CHD9: variants seen among roughly 807,000 people sequenced by gnomAD.
CHD9 encodes the protein ATP-dependent chromatin remodeler CHD9.
Under a neutral mutation model 316.1 loss-of-function variants are expected in CHD9, and 77 were observed. The ratio of observed to expected loss-of-function variants is 0.24; its 90% CI spans 0.20 to 0.29. The LOEUF (loss-of-function observed/expected upper bound fraction) is 0.29. Ranked by LOEUF, CHD9 falls within the 10% of genes least tolerant of loss-of-function variation. The pLI, the probability that CHD9 is intolerant of heterozygous loss-of-function variation, is 1.00. For synonymous variants in CHD9, 1,129 were observed against 1,158.3 expected (o/e 0.97, Z 0.51); for missense variants, 2,763 against 3,438.1 (o/e 0.80, Z 4.91).
chr16:53,298,794 C>T (rs1013210681), intron 30 of CHD9: 2 of 155,372 alleles, frequency 1.3e-5, no homozygotes, highest in African/African-American at 4.8e-5. Context: ...GTTAAAGACC[C>T]CATAGCTCAT....
At position 53,286,245 on chromosome 16, in the gene CHD9, T is replaced by C. The variant is rs377399668; in HGVS notation, c.5091T>C (p.Thr1697=). 1.3e-5 allele frequency: 21 copies of C among 1,609,086 alleles called. No individual in the cohort carries two copies. Among genetic ancestry groups the C allele is most frequent in the Non-Finnish European group, 1.8e-5 (21 of 1,175,594 alleles). The change falls in exon 26 of 39, where the codon ACT becomes ACC. Residue 1697 remains threonine (T), a synonymous_variant. Coordinates refer to ENST00000447540, the MANE Select transcript of CHD9 (RefSeq NM_001308319.2). ...VFKHGYEKYN[T]IRADPALCFL... is the part of the protein sequence containing the mutation. ...TTTCAGGATATGAAAAATATAACAC[T>C]ATTCGAGCAGACCCAGCATTATGCT...
At chr16:53,299,579 C>A (rs532453824) in intron 30 of CHD9, 6 of 401,634 alleles carry the variant, frequency 1.5e-5, no homozygotes, top group Non-Finnish European at 2.9e-5. Flanking sequence ...TATTAACCCT[C>A]CAAAAGCTGG....
chr16:53,132,793 C>CCTT (rs2039421295), intron 1 of CHD9, among the ~76,000 whole-genome samples: 1 of 68,478 alleles, frequency 1.5e-5, no homozygotes, highest in African/African-American at 5.2e-5. Flanking sequence ...TCTAATTCTG[C>CCTT]TTTTTTTTTT....
At chr16:53,077,721 C>T (rs1441553515) in intron 1 of CHD9, among the ~76,000 whole-genome samples, 3 of 152,184 alleles carry the variant, frequency 2.0e-5, no homozygotes, top group African/African-American at 7.2e-5. Context: ...TTCAGTACCT[C>T]ACACACTTAT....
chr16:53,223,771 A>C (rs1472477364), intron 4 of CHD9, among the ~76,000 whole-genome samples: 2 of 152,174 alleles, frequency 1.3e-5, no homozygotes, highest in African/African-American at 4.8e-5. Flanking sequence ...CACACACACA[A>C]AAAATGGTGA....
intron 1 of CHD9, among the ~76,000 whole-genome samples, chr16:53,152,939 T>C (rs1458619272): frequency 6.6e-6 from 1 of 151,924 alleles, no homozygotes; most frequent in African/African-American, 2.4e-5. Flanking sequence ...AAAAAGAGAA[T>C]GAGAATGAGA....
At chr16:53,106,677 C>CACACAG (rs2037382353) in intron 1 of CHD9, among the ~76,000 whole-genome samples, 3 of 152,012 alleles carry the variant, frequency 2.0e-5, no homozygotes, top group Non-Finnish European at 4.4e-5. Flanking sequence ...CACACACACA[C>CACACAG]ACAGCGCGAT....
chr16:53,304,537 ATCCTCTTCCTCCACCTCT>A lies in CHD9; in HGVS notation c.6537_6554del (p.Thr2182_Ser2187del). 2.6e-6 allele frequency: 4 copies of A among 1,545,866 alleles called. No individual in the cohort carries two copies. Among genetic ancestry groups the A allele is most frequent in the Non-Finnish European group, 3.5e-6 (4 of 1,141,788 alleles). ...CATCTTGTTCTTCAGCATCTTCTTC[ATCCTCTTCCTCCACCTCT>A]TCCTCCTCCTCCTCCTCTTCATCTT... On this transcript the variant is annotated inframe_deletion, in exon 31 of 39. Coordinates refer to ENST00000447540, the MANE Select transcript of CHD9 (RefSeq NM_001308319.2).
intron 1 of CHD9, among the ~76,000 whole-genome samples, chr16:53,114,920 T>C (rs1201502552): frequency 1.4e-5 from 2 of 138,260 alleles, no homozygotes; most frequent in Non-Finnish European, 3.3e-5. Context: ...GTAGCACAAG[T>C]ATTTGATTGA....
intron 1 of CHD9, among the ~76,000 whole-genome samples, chr16:53,066,275 T>C (rs1187884873): frequency 1.3e-5 from 2 of 152,090 alleles, no homozygotes; most frequent in East Asian, 3.9e-4. Flanking sequence ...GGGCCTGGGG[T>C]ACAAAGGAAA....
intron 1 of CHD9, among the ~76,000 whole-genome samples, chr16:53,136,828 T>C (rs1008488860): frequency 1.3e-5 from 2 of 152,302 alleles, no homozygotes; most frequent in African/African-American, 4.8e-5. Context: ...ATTCCCTTTC[T>C]GTATTCTGTA....
At chr16:53,241,737 C>T (rs962861958) in intron 12 of CHD9, among the ~76,000 whole-genome samples, 1 of 152,230 alleles carries the variant, frequency 6.6e-6, no homozygotes, top group African/African-American at 2.4e-5. Flanking sequence ...GACCACTTCT[C>T]ATGAACTCCA....
intron 1 of CHD9, among the ~76,000 whole-genome samples, chr16:53,108,559 G>C (rs994523696): frequency 7.0e-6 from 1 of 142,526 alleles, no homozygotes; most frequent in African/African-American, 2.6e-5. Context: ...TAGATAGATA[G>C]ATGCAGATAT....
intron 2 of CHD9, among the ~76,000 whole-genome samples, chr16:53,190,428 C>T (rs1200055817): frequency 6.6e-6 from 1 of 151,838 alleles, no homozygotes; most frequent in Non-Finnish European, 1.5e-5. Context: ...CATGACGCGC[C>T]AAGGAGGAGG....
chr16:53,168,907 T>A (rs930203972), intron 2 of CHD9: 6 of 152,212 alleles, frequency 3.9e-5, no homozygotes, highest in Admixed American at 2.0e-4. Context: ...TGGCGAATTT[T>A]AAAATTTTTA....
chr16:53,240,633 T>C (rs1252901317), intron 12 of CHD9, among the ~76,000 whole-genome samples: 2 of 148,762 alleles, frequency 1.3e-5, no homozygotes, highest in South Asian at 2.1e-4. Flanking sequence ...ATTTAACTTC[T>C]TTTTTTTTTA....
intron 2 of CHD9, among the ~76,000 whole-genome samples, chr16:53,165,175 T>G (rs1324295282): frequency 5.3e-5 from 8 of 152,220 alleles, no homozygotes; most frequent in Non-Finnish European, 1.5e-5. Context: ...CTTAGATATG[T>G]CACAGAAAGA....
intron 1 of CHD9, among the ~76,000 whole-genome samples, chr16:53,117,927 G>T (rs2038441284): frequency 6.6e-6 from 1 of 151,186 alleles, no homozygotes; most frequent in Non-Finnish European, 1.5e-5. Context: ...CCAGGTTCAT[G>T]ACATTCTCCT....
intron 37 of CHD9, chr16:53,320,061 A>T (rs2057160287): frequency 5.3e-6 from 1 of 190,160 alleles, no homozygotes. Context: ...CTGTAGTCCT[A>T]GCTACTCAGG....
Sources: gnomAD v4.1 joint callset for allele counts (sites outside exome capture counted in the v4.1 genomes callset) on GRCh38, gnomAD v4.1.1 for gene constraint, MANE v1.5 for transcripts, NCBI Gene and HGNC (gene_info 2026-07-23, HGNC 2026-07-21) for gene names.